Variants in OPCML observed in about 807,000 individuals in gnomAD.
OPCML encodes opioid-binding protein/cell adhesion molecule.
OPCML carries 13 observed loss-of-function variants against 37.8 expected under a neutral mutation model. That is an observed-to-expected ratio of 0.34 (90% CI 0.22 to 0.55). OPCML has a LOEUF of 0.55. Ranked by LOEUF, OPCML falls within the 20% of genes least tolerant of loss-of-function variation. The probability of loss-of-function intolerance (pLI) is 0.91; values close to 1 mark genes in which losing one functional copy is unlikely to be tolerated. For synonymous variants in OPCML, 176 were observed against 168.8 expected (o/e 1.04, Z -0.33); for missense variants, 341 against 435.6 (o/e 0.78, Z 1.93).
At chr11:132,462,697 A>G (rs2096106775) in intron 4 of OPCML, among the ~76,000 whole-genome samples, 1 of 152,238 alleles carries the variant, frequency 6.6e-6, no homozygotes, top group Non-Finnish European at 1.5e-5. Context: ...TGGTCATCCA[A>G]TGATGAAGAC....
intron 2 of OPCML, among the ~76,000 whole-genome samples, chr11:132,735,840 G>T (rs949867116): frequency 6.6e-6 from 1 of 151,958 alleles, no homozygotes; most frequent in African/African-American, 2.4e-5. Flanking sequence ...AAACAAAGAT[G>T]GTACAAAATT....
At chr11:132,503,277 A>G (rs2096249539) in intron 4 of OPCML, among the ~76,000 whole-genome samples, 1 of 152,250 alleles carries the variant, frequency 6.6e-6, no homozygotes, top group South Asian at 2.1e-4. Flanking sequence ...CCCTATCTCA[A>G]AGGTTCTCCT....
chr11:132,824,593 C>G (rs1049743379), intron 2 of OPCML, among the ~76,000 whole-genome samples: 12 of 152,216 alleles, frequency 7.9e-5, no homozygotes, highest in African/African-American at 2.9e-4. Context: ...CCCATCATCC[C>G]TTCATCTCTG....
chr11:133,501,236 T>G (rs1401872695), intron 1 of OPCML, among the ~76,000 whole-genome samples: 1 of 152,148 alleles, frequency 6.6e-6, no homozygotes, highest in African/African-American at 2.4e-5. Flanking sequence ...CAACGCAAAC[T>G]GTGTGCTCCC....
intron 4 of OPCML, among the ~76,000 whole-genome samples, chr11:132,489,737 T>C (rs1000629180): frequency 2.6e-5 from 4 of 152,112 alleles, no homozygotes; most frequent in Non-Finnish European, 5.9e-5. Context: ...GTTTGTTACA[T>C]AGGTATACAT....
chr11:133,101,551 A>C (rs1949085216), intron 1 of OPCML, among the ~76,000 whole-genome samples: 1 of 152,216 alleles, frequency 6.6e-6, no homozygotes, highest in African/African-American at 2.4e-5. Context: ...CAAAAATCCA[A>C]ACACTGACAA....
intron 1 of OPCML, among the ~76,000 whole-genome samples, chr11:133,516,089 A>C (rs1948264917): frequency 6.6e-6 from 1 of 152,080 alleles, no homozygotes; most frequent in Non-Finnish European, 1.5e-5. Context: ...CTGGGAGAGA[A>C]GCTGGGCAGG....
intron 3 of OPCML, among the ~76,000 whole-genome samples, chr11:132,616,198 AT>A (rs1376139445): frequency 2.0e-5 from 3 of 152,214 alleles, no homozygotes; most frequent in Non-Finnish European, 4.4e-5. Flanking sequence ...GATATGAACT[AT>A]TTTTTGTAAC....
At chr11:133,251,775 A>G (rs935557784) in intron 1 of OPCML, among the ~76,000 whole-genome samples, 3 of 152,212 alleles carry the variant, frequency 2.0e-5, no homozygotes, top group African/African-American at 7.2e-5. Flanking sequence ...AGCCTCCTCA[A>G]CATGAAGGCA....
intron 3 of OPCML, among the ~76,000 whole-genome samples, chr11:132,637,680 A>G (rs949152913): frequency 1.3e-4 from 20 of 152,098 alleles, no homozygotes; most frequent in Admixed American, 1.2e-3. Context: ...TAGTTTATAT[A>G]TTTACTTCCT....
intron 1 of OPCML, among the ~76,000 whole-genome samples, chr11:133,445,295 T>G (rs1055726778): frequency 6.6e-6 from 1 of 152,150 alleles, no homozygotes; most frequent in Non-Finnish European, 1.5e-5. Flanking sequence ...CCACATGGGT[T>G]TGGGTTAAAT....
intron 1 of OPCML, among the ~76,000 whole-genome samples, chr11:133,226,871 C>T (rs1268523812): frequency 6.6e-6 from 1 of 152,188 alleles, no homozygotes; most frequent in Admixed American, 6.5e-5. Context: ...CCACCCAGCA[C>T]CCTGAGAGAG....
intron 2 of OPCML, among the ~76,000 whole-genome samples, chr11:132,835,731 C>T (rs886151970): frequency 2.0e-5 from 3 of 152,206 alleles, no homozygotes; most frequent in Non-Finnish European, 4.4e-5. Context: ...TGGCCACATA[C>T]AACTCAAATG....
intron 2 of OPCML, among the ~76,000 whole-genome samples, chr11:132,753,532 A>T (rs1457355021): frequency 1.3e-5 from 2 of 152,224 alleles, no homozygotes; most frequent in African/African-American, 4.8e-5. Context: ...CTAAATCTAA[A>T]TCTAAATAGA....
At chr11:133,224,493 A>T (rs1046020705) in intron 1 of OPCML, among the ~76,000 whole-genome samples, 2 of 152,196 alleles carry the variant, frequency 1.3e-5, no homozygotes, top group Admixed American at 1.3e-4. Context: ...GCCTCAGCTT[A>T]GAGGGCCAAG....
At chr11:132,856,230 T>A (rs773017012) in intron 2 of OPCML, among the ~76,000 whole-genome samples, 32 of 152,160 alleles carry the variant, frequency 2.1e-4, no homozygotes, top group Non-Finnish European at 4.7e-4. Context: ...ATAAATCGAT[T>A]GAAGCATAAT....
intron 3 of OPCML, among the ~76,000 whole-genome samples, chr11:132,604,346 T>C (rs976697016): frequency 6.6e-6 from 1 of 152,094 alleles, no homozygotes; most frequent in Admixed American, 6.5e-5. Context: ...CCCTTACATC[T>C]ATTTGCCCGC....
intron 3 of OPCML, among the ~76,000 whole-genome samples, chr11:132,539,715 GTGA>G (rs1565648477): frequency 1.3e-5 from 2 of 152,082 alleles, no homozygotes; most frequent in East Asian, 1.9e-4. Context: ...AATGGTTATG[GTGA>G]TGATGATGGT....
chr11:133,472,333 G>C (rs1281856765), intron 1 of OPCML, among the ~76,000 whole-genome samples: 1 of 152,026 alleles, frequency 6.6e-6, no homozygotes, highest in Non-Finnish European at 1.5e-5. Context: ...GGAGACAATG[G>C]GCCATGTGTC....
Sources: gnomAD v4.1 joint callset for allele counts (sites outside exome capture counted in the v4.1 genomes callset) on GRCh38, gnomAD v4.1.1 for gene constraint, MANE v1.5 for transcripts, NCBI Gene and HGNC (gene_info 2026-07-23, HGNC 2026-07-21) for gene names.